The following MYO10 variants were observed in gnomAD, a reference collection of about 807,000 sequenced individuals.
The protein encoded by MYO10 is unconventional myosin-X.
A neutral mutation model predicts 257.3 loss-of-function variants in MYO10; 133 were observed. The ratio of observed to expected loss-of-function variants is 0.52; its 90% CI spans 0.45 to 0.60. MYO10 has a LOEUF of 0.60. Ranked by LOEUF, MYO10 falls within the 20% of genes least tolerant of loss-of-function variation. The pLI, the probability that MYO10 is intolerant of heterozygous loss-of-function variation, is 0.00. For missense variants in MYO10, 2,399 were observed against 2,635.7 expected, an observed-to-expected ratio of 0.91 and a Z score of 1.97; for synonymous variants, 1,104 against 1,028.6, an observed-to-expected ratio of 1.07 and a Z score of -1.40.
At chr5:16,885,869 C>T (rs1339591685) in intron 1 of MYO10, among the ~76,000 whole-genome samples, 4 of 152,146 alleles carry the variant, frequency 2.6e-5, no homozygotes, top group Non-Finnish European at 5.9e-5. Context: ...CAGCCACCCT[C>T]AGCAGGGGAC....
intron 4 of MYO10, among the ~76,000 whole-genome samples, chr5:16,792,152 G>GAC (rs1741783059): frequency 6.7e-6 from 1 of 149,126 alleles, no homozygotes; most frequent in African/African-American, 2.5e-5. Flanking sequence ...GAGAGAGAGA[G>GAC]AGAGAGAGAG....
At chr5:16,869,329 G>C (rs940886750) in intron 2 of MYO10, among the ~76,000 whole-genome samples, 1 of 149,308 alleles carries the variant, frequency 6.7e-6, no homozygotes, top group South Asian at 2.3e-4. Context: ...GTGCACCACC[G>C]TGCCCAGGCC....
chr5:16,789,647 G>A (rs898199497), intron 4 of MYO10, among the ~76,000 whole-genome samples: 1 of 152,128 alleles, frequency 6.6e-6, no homozygotes, highest in Non-Finnish European at 1.5e-5. Flanking sequence ...AAAAAAGTTA[G>A]CCAGCCATGA....
At chr5:16,845,732 G>A (rs1291952739) in intron 2 of MYO10, among the ~76,000 whole-genome samples, 8 of 152,134 alleles carry the variant, frequency 5.3e-5, no homozygotes, top group Non-Finnish European at 7.3e-5. Context: ...TTGGGAGGCC[G>A]AGGCGGGTGG....
chr5:16,766,770 CT>C (rs575636664), intron 10 of MYO10, among the ~76,000 whole-genome samples: 1,298 of 127,376 alleles, frequency 0.01, 11 homozygotes, highest in Middle Eastern at 0.038. Flanking sequence ...CACCTACTTT[CT>C]TTTTTTTTTT....
Position 16,765,038 on chromosome 5 carries a change from G to C in MYO10, c.1180-642C>G, listed in dbSNP as rs962347331. Among the ~76,000 whole-genome samples the C allele has an allele frequency of 2.0e-5, 3 of 151,950 alleles. No individual in the cohort carries two copies. The East Asian group carries it at 5.8e-4, about 29-fold the overall frequency. On this transcript the variant is annotated intron_variant, in intron 11 of 40. Transcript: ENST00000513610. ...TGTGAGCTCTTTTTAAAATTTTTCT[G>C]ATTTTCTATTATACTTTGTATTTAC...
At chr5:16,732,196 A>G (rs1334306557) in intron 19 of MYO10, among the ~76,000 whole-genome samples, 1 of 152,140 alleles carries the variant, frequency 6.6e-6, no homozygotes, top group Non-Finnish European at 1.5e-5. Flanking sequence ...GCTGAAAGAG[A>G]CTTTCAGAAA....
intron 9 of MYO10, among the ~76,000 whole-genome samples, chr5:16,772,425 G>A (rs535343942): frequency 4.6e-4 from 70 of 152,294 alleles, no homozygotes; most frequent in Non-Finnish European, 7.3e-5. Context: ...GAGCCACGGC[G>A]CCCAGCCTAT....
At chr5:16,849,690 G>T (rs1580071531) in intron 2 of MYO10, among the ~76,000 whole-genome samples, 2 of 152,324 alleles carry the variant, frequency 1.3e-5, no homozygotes, top group African/African-American at 4.8e-5. Flanking sequence ...ACATCTAAAT[G>T]ATGTTAAATT....
chr5:16,698,871 C>T (rs1255122386), intron 26 of MYO10, among the ~76,000 whole-genome samples: 1 of 143,850 alleles, frequency 7.0e-6, no homozygotes, highest in Middle Eastern at 3.2e-3. Context: ...GATCCACCCG[C>T]CTCGGCCTCC....
chr5:16,691,768 C>T (rs1323849107), intron 27 of MYO10, among the ~76,000 whole-genome samples: 1 of 151,556 alleles, frequency 6.6e-6, no homozygotes, highest in African/African-American at 2.4e-5. Flanking sequence ...CTACTCTAAG[C>T]CTTCTTAACA....
chr5:16,782,489 T>C (rs144046812), intron 5 of MYO10, among the ~76,000 whole-genome samples: 172 of 152,322 alleles, frequency 1.1e-3, no homozygotes, highest in African/African-American at 3.8e-3. Context: ...GCAGCAATGG[T>C]TGCATAACAA....
intron 14 of MYO10, among the ~76,000 whole-genome samples, chr5:16,763,214 C>T (rs1443356644): frequency 6.6e-6 from 1 of 152,162 alleles, no homozygotes; most frequent in Non-Finnish European, 1.5e-5. Flanking sequence ...ACTGGCAAGG[C>T]TTTGCTTCTG....
In MYO10 at chr5:16,724,770, GTATATATGCATA is replaced by G. The variant is rs200396350; in HGVS notation, c.1930-13537_1930-13526del. Reference sequence around the variant, plus strand: ...AATAATACACGCAAAGGATCTGGGTGTATATATGCATATATAATACATACACATACATACATA... The same window carrying G: ...AATAATACACGCAAAGGATCTGGGTGTATAATACATACACATACATACATA... On this transcript the variant is annotated intron_variant, in intron 19 of 40. Coordinates refer to ENST00000513610, the MANE Select transcript of MYO10 (RefSeq NM_012334.3). 6.1e-3 allele frequency among the ~76,000 whole-genome samples: 925 copies of G among 152,232 alleles called. 6 individuals are homozygous for G. Among genetic ancestry groups the G allele is most frequent in the Middle Eastern group, 0.014 (4 of 294 alleles).
chr5:16,700,854 C>T lies in MYO10; in HGVS notation c.3432+109G>A, dbSNP rs542514249. On this transcript the variant is annotated intron_variant, in intron 25 of 40. Transcript: ENST00000513610. The stretch of plus-strand genomic sequence containing the variant: ...GATGATCTCTAAGACCACGACTCTG[C>T]AATCTTTGCACAGATATCCTACGGG... 7.7e-6 allele frequency: 10 copies of T among 1,302,546 alleles called. No individual in the cohort carries two copies. The South Asian group carries it at 1.2e-4, about 16-fold the overall frequency. The allele number at this position is 1,302,546 out of a possible 1,614,324, so 80.7% of individuals were successfully genotyped here. A position where few individuals can be genotyped will look rare whatever the true frequency, so the allele number is the denominator to read the frequency against.
intron 21 of MYO10, 84 bp from the exon 22 acceptor site, chr5:16,704,769 A>T: frequency 1.9e-6 from 2 of 1,056,938 alleles, no homozygotes. Context: ...TATCTTCTGG[A>T]GTTAAGGCTT....
chr5:16,666,888 C>A, intron 40 of MYO10, 95 bp from the exon 41 acceptor site: 2 of 981,840 alleles, frequency 2.0e-6, no homozygotes, highest in Middle Eastern at 2.1e-4. Context: ...GGCACCCTCC[C>A]GTAGCCTTCC....
chr5:16,902,590 C>A, intron 1 of MYO10: 3 of 1,579,476 alleles, frequency 1.9e-6, no homozygotes, highest in Admixed American at 1.7e-5. Context: ...ATAGGCTGCA[C>A]GTGGCCGCGG....
intron 2 of MYO10, among the ~76,000 whole-genome samples, chr5:16,840,365 T>C (rs1467813019): frequency 2.6e-5 from 4 of 152,090 alleles, no homozygotes; most frequent in Non-Finnish European, 4.4e-5. Context: ...TGAGCCAAGA[T>C]TGTGCCACTG....
Sources: gnomAD v4.1 joint callset for allele counts (sites outside exome capture counted in the v4.1 genomes callset) on GRCh38, gnomAD v4.1.1 for gene constraint, MANE v1.5 for transcripts, NCBI Gene and HGNC (gene_info 2026-07-23, HGNC 2026-07-21) for gene names.